HIPK1: variants seen among roughly 807,000 people sequenced by gnomAD.
HIPK1 encodes the protein homeodomain interacting protein kinase 1, also known as homeodomain-interacting protein kinase 1.
HIPK1 carries 28 observed loss-of-function variants against 117.1 expected under a neutral mutation model. The observed-to-expected ratio is 0.24, with a 90% confidence interval of 0.18 to 0.33. The LOEUF is 0.33. Among genes scored for constraint, HIPK1 ranks in the 10% least tolerant of loss-of-function variants. The probability of loss-of-function intolerance (pLI) is 1.00; values close to 1 mark genes in which losing one functional copy is unlikely to be tolerated. For missense variants in HIPK1, 1,122 were observed against 1,475.1 expected (o/e 0.76, Z 3.92); for synonymous variants, 605 against 562.5 (o/e 1.08, Z -1.07).
chr1:113,970,761 C>G (rs1049634263), intron 14 of HIPK1, among the ~76,000 whole-genome samples: 2 of 152,142 alleles, frequency 1.3e-5, no homozygotes, highest in South Asian at 4.1e-4. Flanking sequence ...GTAACAAATC[C>G]TAGATTTTTG....
chr1:113,951,255 T>A (rs544249717), intron 2 of HIPK1: 1 of 984,872 alleles, frequency 1.0e-6, no homozygotes, highest in African/African-American at 1.7e-5. Flanking sequence ...CAATTGCCCT[T>A]GTATTCCACC....
chr1:113,940,783 G>A lies in HIPK1; in HGVS notation c.400G>A (p.Gly134Ser). The change falls in exon 2 of 16, where the codon GGT (glycine) becomes AGT (serine). Residue 134 changes from glycine to serine, a missense_variant. This residue lies in a region of HIPK1 where 192 missense variants were observed against 234.0 expected (regional missense o/e 0.82). Transcript: ENST00000426820. ...AAAAAGTGAGGAAGTTGACAGCAAC[G>A]GTAGTGTGCAGATCATAGAAGAACA... ...KRKSEEVDSN[G>S]SVQIIEEHPP... is the part of the protein sequence containing the mutation. 1.2e-6 allele frequency: 2 copies of A among 1,614,054 alleles called. No individual in the cohort carries two copies. Among genetic ancestry groups the A allele is most frequent in the Non-Finnish European group, 8.5e-7 (1 of 1,180,026 alleles).
At chr1:113,951,688 A>G (rs965140939) in intron 2 of HIPK1, among the ~76,000 whole-genome samples, 3 of 152,170 alleles carry the variant, frequency 2.0e-5, no homozygotes, top group Non-Finnish European at 4.4e-5. Flanking sequence ...AAGCTTTCAT[A>G]TATTTATTTA....
intron 2 of HIPK1, among the ~76,000 whole-genome samples, chr1:113,952,257 AT>A (rs34718017): frequency 0.35 from 52,191 of 148,140 alleles, 9,840 homozygotes; most frequent in African/African-American, 0.48. Context: ...CTTTTAATTG[AT>A]TTTTTTTTTT....
At position 113,958,046 on chromosome 1, in the gene HIPK1, T is replaced by C; in HGVS notation, c.1756-20T>C. 6.5e-7 allele frequency: 1 copy of C among 1,543,646 alleles called. No individual in the cohort carries two copies. Among genetic ancestry groups the C allele is most frequent in the Admixed American group, 1.7e-5 (1 of 59,916 alleles). On this transcript the variant is annotated intron_variant, in intron 7 of 15. Transcript: ENST00000426820. ...TCTCTACTTAATACAAGTGTACAAA[T>C]ATAATCCTTTTGTTTTTAGGCCAGT...
intron 8 of HIPK1, 57 bp downstream of exon 8, chr1:113,958,348 C>T: frequency 4.2e-6 from 5 of 1,199,458 alleles, no homozygotes; most frequent in South Asian, 1.3e-5. Flanking sequence ...CTGCTTTAGG[C>T]AGCTCTAGTT....
At chr1:113,932,030 C>T (rs1378917335) in intron 1 of HIPK1, among the ~76,000 whole-genome samples, 1 of 152,166 alleles carries the variant, frequency 6.6e-6, no homozygotes, top group Non-Finnish European at 1.5e-5. Context: ...CTTCAACAAT[C>T]ACTGGTTTGT....
intron 5 of HIPK1, 99 bp from the exon 6 acceptor site, chr1:113,956,528 A>G: frequency 3.0e-6 from 2 of 658,566 alleles, no homozygotes; most frequent in Non-Finnish European, 4.8e-6. Context: ...TCTTTTGATT[A>G]CATATATACA....
At chr1:113,943,289 C>A (rs1670769918) in intron 2 of HIPK1, among the ~76,000 whole-genome samples, 1 of 152,234 alleles carries the variant, frequency 6.6e-6, no homozygotes, top group Admixed American at 6.5e-5. Flanking sequence ...ACTCCCTATT[C>A]TCTCTTCTTC....
chr1:113,945,664 A>G lies in HIPK1; in HGVS notation c.1076+4205A>G, dbSNP rs1422742167. ...TATATACAAATAATTCTTATCTTCTATTGCTTTCCCATTTTCAATGTTGGG... is the reference window on the plus strand; with the variant it reads ...TATATACAAATAATTCTTATCTTCTGTTGCTTTCCCATTTTCAATGTTGGG... On this transcript the variant is annotated intron_variant, in intron 2 of 15. Coordinates refer to ENST00000426820, the MANE Select transcript of HIPK1 (RefSeq NM_198268.3). Among the ~76,000 whole-genome samples the G allele has an allele frequency of 2.0e-5, 3 of 152,084 alleles. No individual in the cohort carries two copies. In the East Asian group the frequency reaches 5.8e-4, roughly 29 times the overall value.
chr1:113,962,613 ACT>A (rs1672202437), intron 9 of HIPK1, among the ~76,000 whole-genome samples, 175 bp downstream of exon 9: 1 of 152,188 alleles, frequency 6.6e-6, no homozygotes, highest in South Asian at 2.1e-4. Flanking sequence ...CACTATTGCA[ACT>A]CTGCCATTGT....
chr1:113,942,662 A>G (rs979489932), intron 2 of HIPK1, among the ~76,000 whole-genome samples: 7 of 152,170 alleles, frequency 4.6e-5, no homozygotes, highest in African/African-American at 7.2e-5. Context: ...ATATTTCTAG[A>G]TTGATACTTT....
intron 1 of HIPK1, 114 bp downstream of exon 1, chr1:113,929,646 G>C: frequency 9.8e-7 from 1 of 1,018,194 alleles, no homozygotes; most frequent in South Asian, 1.5e-5. Context: ...GGCGGCTGCG[G>C]AGCAAGGGGC....
chr1:113,958,378 A>G (rs1385838942), intron 8 of HIPK1, 87 bp downstream of exon 8: 2 of 868,052 alleles, frequency 2.3e-6, no homozygotes, highest in Non-Finnish European at 3.5e-6. Flanking sequence ...TGATCTTTAC[A>G]AGTTTAAACT....
At chr1:113,949,463 G>T (rs1671203666) in intron 2 of HIPK1, among the ~76,000 whole-genome samples, 1 of 152,162 alleles carries the variant, frequency 6.6e-6, no homozygotes, top group East Asian at 1.9e-4. Context: ...TTATTAATGC[G>T]CCTGTCAAAC....
chr1:113,937,000 CAT>C (rs1670294753), intron 1 of HIPK1, among the ~76,000 whole-genome samples: 1 of 152,138 alleles, frequency 6.6e-6, no homozygotes, highest in Non-Finnish European at 1.5e-5. Flanking sequence ...AATACTTACA[CAT>C]ATATTTTAAT....
At chr1:113,972,989 C>G (rs374294930) in intron 15 of HIPK1, 35 bp from the exon 16 acceptor site, 1 of 1,512,554 alleles carries the variant, frequency 6.6e-7, no homozygotes, top group Non-Finnish European at 8.8e-7. Flanking sequence ...CTGGAGTGAC[C>G]TCAGGATTCC....
chr1:113,930,866 C>A (rs1009047359), intron 1 of HIPK1: 2 of 152,200 alleles, frequency 1.3e-5, no homozygotes, highest in African/African-American at 4.8e-5. Context: ...TCCAGTAAGT[C>A]TTTTCTTTAC....
Position 113,944,446 on chromosome 1 carries a change from GAGCCACTA to G in HIPK1, c.1076+2988_1076+2995del, listed in dbSNP as rs552591180. 6.1e-4 allele frequency among the ~76,000 whole-genome samples: 92 copies of G among 150,606 alleles called. 1 individual carries two copies. In the South Asian group the frequency reaches 8.8e-3, roughly 14 times the overall value. On this transcript the variant is annotated intron_variant, in intron 2 of 15. Coordinates refer to ENST00000426820, the MANE Select transcript of HIPK1 (RefSeq NM_198268.3). ...CCCAAAGTGCTGGGATTACAGGCATGAGCCACTATGCCTGGCCAATAATAGTTTTTTTT... is the reference window on the plus strand; with the variant it reads ...CCCAAAGTGCTGGGATTACAGGCATGTGCCTGGCCAATAATAGTTTTTTTT...
Sources: allele counts gnomAD v4.1 joint callset (sites outside exome capture counted in the v4.1 genomes callset), GRCh38; gene constraint gnomAD v4.1.1; regional missense constraint gnomAD v4.1.1; transcripts MANE v1.5; gene names NCBI Gene and HGNC (gene_info 2026-07-23, HGNC 2026-07-21).